The following HIVEP3 variants were observed in gnomAD, a reference collection of about 807,000 sequenced individuals.
HIVEP3 encodes HIVEP zinc finger 3.
In HIVEP3, 49 loss-of-function variants were observed where a neutral mutation model predicts 152.8. That is an observed-to-expected ratio of 0.32 (90% CI 0.26 to 0.41). The LOEUF (loss-of-function observed/expected upper bound fraction) is 0.41, where lower values mean the gene tolerates loss of function less well. Among genes scored for constraint, HIVEP3 ranks in the 10% least tolerant of loss-of-function variants. HIVEP3 has a pLI of 1.00. For missense variants in HIVEP3, 2,790 were observed against 3,103.3 expected, an observed-to-expected ratio of 0.90 and a Z score of 2.40; for synonymous variants, 1,269 against 1,289.0, an observed-to-expected ratio of 0.98 and a Z score of 0.33.
chr1:41,632,526 G>A (rs903432892), intron 2 of HIVEP3, among the ~76,000 whole-genome samples: 3 of 152,156 alleles, frequency 2.0e-5, no homozygotes, highest in Non-Finnish European at 4.4e-5. Flanking sequence ...GAGCCACCAC[G>A]CCTGGCGGAT....
At chr1:41,892,392 G>A (rs1466221376) in intron 1 of HIVEP3, among the ~76,000 whole-genome samples, 2 of 152,104 alleles carry the variant, frequency 1.3e-5, no homozygotes, top group African/African-American at 2.4e-5. Flanking sequence ...CTAGCAGCTG[G>A]GTGCCAAGAA....
At chr1:41,775,001 C>T (rs549602321) in intron 1 of HIVEP3, among the ~76,000 whole-genome samples, 3 of 152,030 alleles carry the variant, frequency 2.0e-5, no homozygotes, top group South Asian at 2.1e-4. Flanking sequence ...TGGGGTTTCA[C>T]GATGTTGCCC....
At chr1:42,028,304 A>G (rs757350586) in intron 1 of HIVEP3, among the ~76,000 whole-genome samples, 1 of 152,162 alleles carries the variant, frequency 6.6e-6, no homozygotes, top group Non-Finnish European at 1.5e-5. Context: ...AGTGCCTGGC[A>G]TTATAGTAAG....
At chr1:41,761,128 G>T (rs963853658) in intron 1 of HIVEP3, among the ~76,000 whole-genome samples, 1 of 152,242 alleles carries the variant, frequency 6.6e-6, no homozygotes, top group Admixed American at 6.5e-5. Flanking sequence ...CTGGTGAAGG[G>T]GTTCTAACCA....
At chr1:41,757,355 G>C (rs1023642690) in intron 1 of HIVEP3, among the ~76,000 whole-genome samples, 1 of 151,878 alleles carries the variant, frequency 6.6e-6, no homozygotes, top group African/African-American at 2.4e-5. Context: ...CTGACGTCGT[G>C]ATCCACCCGT....
At chr1:41,932,380 T>C (rs149619292) in intron 1 of HIVEP3, among the ~76,000 whole-genome samples, 1 of 151,894 alleles carries the variant, frequency 6.6e-6, no homozygotes, top group Non-Finnish European at 1.5e-5. Context: ...ATTGAAGATA[T>C]AATATTTCTT....
chr1:41,591,080 CATT>C (rs1644580708), intron 3 of HIVEP3, among the ~76,000 whole-genome samples: 1 of 152,212 alleles, frequency 6.6e-6, no homozygotes, highest in East Asian at 1.9e-4. Context: ...TAATAATCAT[CATT>C]GCTATTGGAG....
intron 3 of HIVEP3, among the ~76,000 whole-genome samples, chr1:41,588,729 A>G (rs1043701751): frequency 6.6e-6 from 1 of 152,148 alleles, no homozygotes; most frequent in Non-Finnish European, 1.5e-5. Flanking sequence ...CAGGGCGCAG[A>G]GTGAGCGAGG....
chr1:41,617,574 G>C (rs1166407893), intron 3 of HIVEP3, among the ~76,000 whole-genome samples: 1 of 152,230 alleles, frequency 6.6e-6, no homozygotes, highest in Non-Finnish European at 1.5e-5. Context: ...GGCACCGCCT[G>C]GGGTGATCTG....
intron 1 of HIVEP3, among the ~76,000 whole-genome samples, chr1:41,818,559 T>C (rs1642483071): frequency 6.6e-6 from 1 of 152,092 alleles, no homozygotes; most frequent in Non-Finnish European, 1.5e-5. Context: ...AAGAAGAGGT[T>C]ATGGGGGGAT....
chr1:41,665,522 C>T (rs1645781301), intron 2 of HIVEP3, among the ~76,000 whole-genome samples: 1 of 151,560 alleles, frequency 6.6e-6, no homozygotes, highest in Admixed American at 6.6e-5. Context: ...TGGAGACTGA[C>T]AGGTAAACAG....
At chr1:42,029,776 C>T (rs1261948040) in intron 1 of HIVEP3, among the ~76,000 whole-genome samples, 1 of 152,154 alleles carries the variant, frequency 6.6e-6, no homozygotes, top group Non-Finnish European at 1.5e-5. Flanking sequence ...TATTCAAGAA[C>T]TCTCTCAACT....
At chr1:41,981,702 G>A (rs536687355) in intron 1 of HIVEP3, among the ~76,000 whole-genome samples, 34 of 152,300 alleles carry the variant, frequency 2.2e-4, no homozygotes, top group Admixed American at 2.6e-4. Flanking sequence ...AGGAAATTGC[G>A]TTTTGTTATA....
At chr1:41,528,442 C>T (rs1643091716) in intron 5 of HIVEP3, among the ~76,000 whole-genome samples, 1 of 131,388 alleles carries the variant, frequency 7.6e-6, no homozygotes, top group Admixed American at 7.4e-5. Flanking sequence ...AGACTCACAT[C>T]CCACCCTCAC....
At chr1:41,877,280 G>A (rs1644186032) in intron 1 of HIVEP3, among the ~76,000 whole-genome samples, 1 of 152,084 alleles carries the variant, frequency 6.6e-6, no homozygotes, top group Non-Finnish European at 1.5e-5. Flanking sequence ...GAGAACACAT[G>A]TCCAATAGGG....
intron 2 of HIVEP3, among the ~76,000 whole-genome samples, chr1:41,689,276 C>A (rs568691578): frequency 6.6e-6 from 1 of 152,330 alleles, no homozygotes; most frequent in Non-Finnish European, 1.5e-5. Context: ...TCCCACCTTT[C>A]ACTGGCCTCC....
chr1:41,563,811 TA>T (rs1644120065), intron 5 of HIVEP3, among the ~76,000 whole-genome samples: 1 of 152,032 alleles, frequency 6.6e-6, no homozygotes, highest in South Asian at 2.1e-4. Flanking sequence ...GTAACATTAA[TA>T]ACAACTAACG....
intron 1 of HIVEP3, among the ~76,000 whole-genome samples, chr1:42,002,852 G>A (rs534292492): frequency 2.0e-5 from 3 of 151,778 alleles, no homozygotes; most frequent in South Asian, 4.2e-4. Context: ...CCTTTCCACT[G>A]GGGGAAAGGT....
intron 3 of HIVEP3, among the ~76,000 whole-genome samples, chr1:41,605,371 A>ATGCG (rs1644806785): frequency 7.9e-6 from 1 of 126,428 alleles, no homozygotes; most frequent in East Asian, 2.0e-4. Context: ...ACACACGCAC[A>ATGCG]CGCGCACACA....
Sources: gnomAD v4.1 joint callset for allele counts (sites outside exome capture counted in the v4.1 genomes callset) on GRCh38, gnomAD v4.1.1 for gene constraint, MANE v1.5 for transcripts, NCBI Gene and HGNC (gene_info 2026-07-23, HGNC 2026-07-21) for gene names.